The following PXDNL variants were observed in gnomAD, a reference collection of about 807,000 sequenced individuals.
PXDNL encodes the protein probable oxidoreductase PXDNL.
A neutral mutation model predicts 150.8 loss-of-function variants in PXDNL; 145 were observed. The ratio of observed to expected loss-of-function variants is 0.96; its 90% CI spans 0.84 to 1.10. PXDNL has a LOEUF of 1.10. Among genes scored for constraint, PXDNL ranks in the 50% least tolerant of loss-of-function variants. PXDNL has a pLI of 0.00. For synonymous variants in PXDNL, 757 were observed against 725.7 expected, an observed-to-expected ratio of 1.04 and a Z score of -0.69; for missense variants, 2,087 against 1,873.9, an observed-to-expected ratio of 1.11 and a Z score of -2.10.
At chr8:51,526,908 G>T (rs73583068) in intron 4 of PXDNL, among the ~76,000 whole-genome samples, 5,124 of 152,052 alleles carry the variant, frequency 0.034, 257 homozygotes, top group African/African-American at 0.12. Context: ...TGCTTCCTCC[G>T]GCCAGCCCCC....
At chr8:51,585,393 A>G (rs996943459) in intron 3 of PXDNL, among the ~76,000 whole-genome samples, 1 of 152,140 alleles carries the variant, frequency 6.6e-6, no homozygotes, top group Non-Finnish European at 1.5e-5. Context: ...AGAACAGCAC[A>G]TGGGCAAGAA....
At chr8:51,588,691 G>T (rs1051759306) in intron 3 of PXDNL, among the ~76,000 whole-genome samples, 4 of 152,104 alleles carry the variant, frequency 2.6e-5, no homozygotes, top group Non-Finnish European at 5.9e-5. Context: ...AGCCATAAAG[G>T]TTCTTGTTTT....
intron 4 of PXDNL, among the ~76,000 whole-genome samples, chr8:51,530,692 C>T (rs957436537): frequency 2.0e-5 from 3 of 152,148 alleles, no homozygotes; most frequent in African/African-American, 4.8e-5. Context: ...CGCTCACACT[C>T]TGCGTGTAGT....
intron 6 of PXDNL, 108 bp downstream of exon 6, chr8:51,483,535 C>G: frequency 1.4e-6 from 1 of 721,316 alleles, no homozygotes; most frequent in Non-Finnish European, 2.4e-6. Context: ...GCTAGAATTG[C>G]AATGTCTTTC....
intron 2 of PXDNL, among the ~76,000 whole-genome samples, chr8:51,640,172 C>A (rs1471153220): frequency 1.3e-5 from 2 of 152,202 alleles, no homozygotes; most frequent in East Asian, 1.9e-4. Context: ...GCTAAAAACT[C>A]TCAAAAAATT....
chr8:51,633,135 T>C (rs1563489599), intron 2 of PXDNL, among the ~76,000 whole-genome samples: 1 of 152,178 alleles, frequency 6.6e-6, no homozygotes, highest in African/African-American at 2.4e-5. Flanking sequence ...CACTTACAAG[T>C]GAGAACACAT....
intron 3 of PXDNL, among the ~76,000 whole-genome samples, chr8:51,566,864 A>G (rs1812840268): frequency 6.6e-6 from 1 of 150,566 alleles, no homozygotes; most frequent in African/African-American, 2.4e-5. Flanking sequence ...CTTGTCTCCT[A>G]TGATTGGAAG....
chr8:51,408,744 C>T lies in PXDNL; in HGVS notation c.2880G>A (p.Arg960=), dbSNP rs1408873463. 2 of 1,584,170 alleles carry T rather than the reference C, an allele frequency of 1.3e-6. No individual in the cohort carries two copies. The highest frequency in any genetic ancestry group is 1.7e-6 in the Non-Finnish European group (2 of 1,165,376). ...ESPCFLAGDH[R]ANEHLALAAM... is the part of the protein sequence containing the mutation. The stretch of plus-strand genomic sequence containing the variant: ...CGGCCAGAGCCAGATGCTCGTTGGC[C>T]CGGTGGTCCCCGGCCAGGAAACAGG... The change falls in exon 17 of 23, where the codon CGG becomes CGA. Residue 960 remains arginine, a synonymous_variant. Transcript: ENST00000356297.
intron 3 of PXDNL, among the ~76,000 whole-genome samples, chr8:51,587,732 CTT>C (rs1024611822): frequency 4.6e-5 from 7 of 150,614 alleles, no homozygotes; most frequent in African/African-American, 1.7e-4. Flanking sequence ...TCATTCCTCT[CTT>C]AAGATTAACT....
intron 1 of PXDNL, among the ~76,000 whole-genome samples, chr8:51,720,792 C>T (rs940305564): frequency 1.3e-5 from 2 of 152,238 alleles, no homozygotes; most frequent in African/African-American, 4.8e-5. Flanking sequence ...CTAGTGGTCA[C>T]GGCGCTTTTC....
intron 8 of PXDNL, among the ~76,000 whole-genome samples, chr8:51,468,935 A>G (rs1181078491): frequency 6.6e-6 from 1 of 151,942 alleles, no homozygotes; most frequent in Non-Finnish European, 1.5e-5. Flanking sequence ...GTGTATTCAT[A>G]TTTATCAACA....
chr8:51,750,554 T>C (rs955968222), intron 1 of PXDNL, among the ~76,000 whole-genome samples: 5 of 152,364 alleles, frequency 3.3e-5, no homozygotes, highest in East Asian at 1.9e-4. Flanking sequence ...CTGTCCATCA[T>C]TGACCAAAAC....
At chr8:51,527,188 C>A (rs950552348) in intron 4 of PXDNL, among the ~76,000 whole-genome samples, 1 of 152,198 alleles carries the variant, frequency 6.6e-6, no homozygotes, top group Non-Finnish European at 1.5e-5. Context: ...CAGCCAGACA[C>A]CTGAGCTTGC....
intron 1 of PXDNL, among the ~76,000 whole-genome samples, chr8:51,768,297 A>AT (rs1345454231): frequency 6.8e-6 from 1 of 147,606 alleles, no homozygotes; most frequent in Non-Finnish European, 1.5e-5. Context: ...GGAGAAGTGG[A>AT]TTTTTGAAAG....
chr8:51,467,127 T>G, intron 8 of PXDNL, among the ~76,000 whole-genome samples: 1 of 152,104 alleles, frequency 6.6e-6, no homozygotes, highest in East Asian at 1.9e-4. Flanking sequence ...AGCAAAAACA[T>G]AGAATCAACA....
chr8:51,548,287 T>C (rs192017376), intron 4 of PXDNL, among the ~76,000 whole-genome samples: 1 of 152,254 alleles, frequency 6.6e-6, no homozygotes, highest in African/African-American at 2.4e-5. Context: ...ATCAAGGAAA[T>C]CTTCCCTGAA....
intron 1 of PXDNL, among the ~76,000 whole-genome samples, chr8:51,710,310 ATTT>A (rs1226383815): frequency 6.6e-6 from 1 of 152,208 alleles, no homozygotes; most frequent in Non-Finnish European, 1.5e-5. Flanking sequence ...TTTAGAATCT[ATTT>A]TAACTGACAA....
intron 17 of PXDNL, among the ~76,000 whole-genome samples, chr8:51,403,785 GGGC>G (rs1808344230): frequency 6.6e-6 from 1 of 152,184 alleles, no homozygotes; most frequent in Non-Finnish European, 1.5e-5. Flanking sequence ...TTAATAAGCG[GGGC>G]CTTAGGTGGT....
rs201745393 is a variant in PXDNL, at chr8:51,644,405, C to T, written c.236+10284G>A. On this transcript the variant is annotated intron_variant, in intron 2 of 22. Coordinates refer to ENST00000356297, the MANE Select transcript of PXDNL (RefSeq NM_144651.5). Reference sequence around the variant, plus strand: ...ACACACATATGTGTATATATATACACATGTGTGTGTATATATATACACATA... The same window carrying T: ...ACACACATATGTGTATATATATACATATGTGTGTGTATATATATACACATA... Among the ~76,000 whole-genome samples the T allele has an allele frequency of 4.2e-4, 35 of 82,732 alleles. 1 individual carries two copies. Among genetic ancestry groups the T allele is most frequent in the South Asian group, 1.6e-3 (3 of 1,862 alleles). The allele number at this position is 82,732 out of a possible 152,430, so 54.3% of individuals were successfully genotyped here. A position where few individuals can be genotyped will look rare whatever the true frequency, so the allele number is the denominator to read the frequency against.
Sources: allele counts gnomAD v4.1 joint callset (sites outside exome capture counted in the v4.1 genomes callset), GRCh38; gene constraint gnomAD v4.1.1; transcripts MANE v1.5; gene names NCBI Gene and HGNC (gene_info 2026-07-23, HGNC 2026-07-21).